Variants in MMP26 observed in about 807,000 individuals in gnomAD.
MMP26 encodes the protein matrix metallopeptidase 26.
MMP26 carries 33 observed loss-of-function variants against 31.0 expected under a neutral mutation model. The observed-to-expected ratio is 1.06, with a 90% CI of 0.81 to 1.42. The LOEUF (loss-of-function observed/expected upper bound fraction) is 1.42, where lower values mean the gene tolerates loss of function less well. Among genes scored for constraint, MMP26 ranks in the 40% most tolerant of loss-of-function variants. The pLI is 0.00. For missense variants in MMP26, 347 were observed against 316.1 expected (o/e 1.10, Z -0.74); for synonymous variants, 122 against 114.9 (o/e 1.06, Z -0.40).
intron 2 of MMP26, among the ~76,000 whole-genome samples, chr11:4,926,436 T>C (rs1376598789): frequency 6.6e-6 from 1 of 151,962 alleles, no homozygotes; most frequent in Non-Finnish European, 1.5e-5. Flanking sequence ...TAATAAGAAA[T>C]AGCAATAAAG....
chr11:4,876,698 A>G (rs527599582), intron 2 of MMP26: 101 of 152,036 alleles, frequency 6.6e-4, no homozygotes, highest in African/African-American at 2.4e-3. Flanking sequence ...AAATGTCACC[A>G]TCCTTGTTGT....
intron 1 of MMP26, among the ~76,000 whole-genome samples, chr11:4,728,578 G>T (rs1848133158): frequency 6.6e-6 from 1 of 152,122 alleles, no homozygotes; most frequent in Non-Finnish European, 1.5e-5. Context: ...TTCTATTATG[G>T]ATGCTATTTT....
At chr11:4,855,592 C>T (rs1850039010) in intron 2 of MMP26, among the ~76,000 whole-genome samples, 1 of 152,168 alleles carries the variant, frequency 6.6e-6, no homozygotes. Flanking sequence ...AAATCTACGT[C>T]TGATTGGTGT....
chr11:4,915,945 C>T (rs1456281220), intron 2 of MMP26, among the ~76,000 whole-genome samples: 2 of 152,110 alleles, frequency 1.3e-5, no homozygotes, highest in African/African-American at 4.8e-5. Context: ...TGAGCCGCTC[C>T]ACCCTTTTTG....
chr11:4,923,680 GTA>G (rs1851220561), intron 2 of MMP26: 1 of 1,613,850 alleles, frequency 6.2e-7, no homozygotes, highest in Non-Finnish European at 8.5e-7. Context: ...GGATGAGGGC[GTA>G]TGAGAGAAAG....
intron 1 of MMP26, among the ~76,000 whole-genome samples, chr11:4,747,204 A>G (rs560053640): frequency 2.6e-5 from 4 of 152,318 alleles, no homozygotes; most frequent in South Asian, 2.1e-4. Flanking sequence ...TGACAGAGGT[A>G]TAGAGAATTA....
intron 1 of MMP26, among the ~76,000 whole-genome samples, chr11:4,763,376 G>A (rs989354445): frequency 6.6e-6 from 1 of 152,148 alleles, no homozygotes; most frequent in South Asian, 2.1e-4. Context: ...AAGTCATGTT[G>A]CCAGAAGTCT....
chr11:4,975,160 A>C (rs1317432094), intron 2 of MMP26, among the ~76,000 whole-genome samples: 1 of 152,116 alleles, frequency 6.6e-6, no homozygotes, highest in African/African-American at 2.4e-5. Flanking sequence ...GGATTTAATA[A>C]GAAATTACAT....
intron 2 of MMP26, among the ~76,000 whole-genome samples, chr11:4,857,796 C>T (rs1707138492): frequency 1.3e-5 from 2 of 152,304 alleles, no homozygotes; most frequent in South Asian, 2.1e-4. Flanking sequence ...AGACCAATAT[C>T]CCTGATGAAC....
chr11:4,860,510 T>C, intron 2 of MMP26: 1 of 470,930 alleles, frequency 2.1e-6, no homozygotes, highest in Non-Finnish European at 4.4e-6. Context: ...GTTCCTGGGA[T>C]ACCTGTCAGA....
chr11:4,934,096 G>T, intron 2 of MMP26, among the ~76,000 whole-genome samples: 1 of 119,436 alleles, frequency 8.4e-6, no homozygotes, highest in Non-Finnish European at 1.8e-5. Flanking sequence ...CCCAGTAATG[G>T]GATGGCTGGG....
At chr11:4,884,382 C>G (rs1344024652) in intron 2 of MMP26, among the ~76,000 whole-genome samples, 2 of 152,146 alleles carry the variant, frequency 1.3e-5, no homozygotes, top group African/African-American at 4.8e-5. Context: ...CAGTATTTTA[C>G]CTTTCAAGTT....
chr11:4,780,212 A>T (rs181715659), intron 2 of MMP26, among the ~76,000 whole-genome samples: 1 of 152,180 alleles, frequency 6.6e-6, no homozygotes, highest in Admixed American at 6.5e-5. Flanking sequence ...GGGTTTATCA[A>T]GAAATAAAAT....
At chr11:4,924,955 G>T (rs1163385594) in intron 2 of MMP26, among the ~76,000 whole-genome samples, 1 of 152,104 alleles carries the variant, frequency 6.6e-6, no homozygotes, top group East Asian at 1.9e-4. Flanking sequence ...TTATTCAATT[G>T]CATTGAAAAA....
At chr11:4,787,970 G>A (rs1386031072) in intron 2 of MMP26, among the ~76,000 whole-genome samples, 1 of 152,148 alleles carries the variant, frequency 6.6e-6, no homozygotes, top group Non-Finnish European at 1.5e-5. Flanking sequence ...TGAATGATTA[G>A]TTTAAGATAA....
intron 2 of MMP26, among the ~76,000 whole-genome samples, chr11:4,960,258 C>T (rs996461288): frequency 2.0e-5 from 3 of 151,784 alleles, no homozygotes; most frequent in African/African-American, 7.3e-5. Flanking sequence ...ACTACATTCA[C>T]GTTTTTGGAT....
At chr11:4,785,897 G>T (rs759530488) in intron 2 of MMP26, among the ~76,000 whole-genome samples, 1 of 152,154 alleles carries the variant, frequency 6.6e-6, no homozygotes, top group Non-Finnish European at 1.5e-5. Flanking sequence ...CAGATCAGGG[G>T]CTCCATCTTA....
In MMP26 at chr11:4,803,522, G is replaced by T. The variant is rs61742567; in HGVS notation, c.-145+36181G>T. 5.4e-4 allele frequency: 864 copies of T among 1,614,080 alleles called. 4 individuals are homozygous for T. The African/African-American group carries it at 0.011, about 20-fold the overall frequency. On this transcript the variant is annotated intron_variant, in intron 2 of 7. Transcript: ENST00000380390. Reference sequence around the variant, plus strand: ...TAAATGATGGGGTTGAGCATGGGAGGTATCAGTAGATAGAGATTAGCAAAC... The same window carrying T: ...TAAATGATGGGGTTGAGCATGGGAGTTATCAGTAGATAGAGATTAGCAAAC...
At chr11:4,882,421 C>A in intron 2 of MMP26, 1 of 1,613,904 alleles carries the variant, frequency 6.2e-7, no homozygotes, top group Non-Finnish European at 8.5e-7. Context: ...ATGGGGGTCA[C>A]GAGCTTTCCC....
Sources: gnomAD v4.1 joint callset for allele counts (sites outside exome capture counted in the v4.1 genomes callset) on GRCh38, gnomAD v4.1.1 for gene constraint, MANE v1.5 for transcripts, NCBI Gene and HGNC (gene_info 2026-07-23, HGNC 2026-07-21) for gene names.